SIAH1: variants seen among roughly 807,000 people sequenced by gnomAD.
SIAH1 encodes siah E3 ubiquitin protein ligase 1.
SIAH1 carries 2 observed loss-of-function variants against 20.0 expected under a neutral mutation model. The ratio of observed to expected loss-of-function variants is 0.10; its 90% confidence interval spans 0.04 to 0.31. The LOEUF (loss-of-function observed/expected upper bound fraction) is 0.31. SIAH1 is among the 10% of genes least tolerant of loss of function. SIAH1 has a pLI of 1.00. For synonymous variants in SIAH1, 118 were observed against 125.3 expected, an observed-to-expected ratio of 0.94 and a Z score of 0.39; for missense variants, 119 against 355.3, an observed-to-expected ratio of 0.33 and a Z score of 5.35.
chr16:48,365,433 T>TCC (rs748026553), intron 1 of SIAH1: 3 of 1,613,632 alleles, frequency 1.9e-6, no homozygotes, highest in Admixed American at 1.7e-5. Context: ...TGAACAAGAC[T>TCC]CCCCTCCAGG....
chr16:48,376,378 CT>C (rs974733709), intron 1 of SIAH1, among the ~76,000 whole-genome samples: 1 of 152,130 alleles, frequency 6.6e-6, no homozygotes, highest in Non-Finnish European at 1.5e-5. Context: ...CTTGCTTTCA[CT>C]TTTTTTCTCA....
intron 1 of SIAH1, among the ~76,000 whole-genome samples, chr16:48,366,077 T>TGGG (rs1309146377): frequency 6.6e-6 from 1 of 151,442 alleles, no homozygotes; most frequent in African/African-American, 2.4e-5. Flanking sequence ...GCCGGGGGCG[T>TGGG]GGGGGAGCCC....
At position 48,360,692 on chromosome 16, in the gene SIAH1, AAT is replaced by A. The variant is rs1322631025; in HGVS notation, c.*886_*887del. 6.5e-6 allele frequency: 1 copy of A among 152,674 alleles called. No homozygotes were observed. Among genetic ancestry groups the A allele is most frequent in the Non-Finnish European group, 1.5e-5 (1 of 68,042 alleles). The allele number at this position is 152,674 out of a possible 1,614,324, so 9.5% of individuals were successfully genotyped here. A position where few individuals can be genotyped will look rare whatever the true frequency, so the allele number is the denominator to read the frequency against. On this transcript the variant is annotated 3_prime_UTR_variant, in exon 2 of 2. Transcript: ENST00000394725. ...CAATAAATACAAGAACAAATTTTAA[AAT>A]ATGTGATTTGTCCAAGATATCTGAA...
intron 1 of SIAH1, among the ~76,000 whole-genome samples, chr16:48,378,324 G>A (rs1392786374): frequency 6.6e-6 from 1 of 152,180 alleles, no homozygotes; most frequent in African/African-American, 2.4e-5. Flanking sequence ...TTGCACTCCA[G>A]CCTGGGCAAC....
intron 1 of SIAH1, among the ~76,000 whole-genome samples, chr16:48,383,158 A>T (rs1308281186): frequency 2.6e-5 from 4 of 152,206 alleles, no homozygotes; most frequent in Admixed American, 2.0e-4. Flanking sequence ...TCAGTTTCAC[A>T]TCTATTATAC....
At chr16:48,382,958 T>C (rs749855757) in intron 1 of SIAH1, among the ~76,000 whole-genome samples, 5 of 152,234 alleles carry the variant, frequency 3.3e-5, no homozygotes, top group Non-Finnish European at 5.9e-5. Flanking sequence ...AGCTAGATAA[T>C]TCCTTCATAA....
intron 1 of SIAH1, among the ~76,000 whole-genome samples, chr16:48,376,900 G>C (rs1961123140): frequency 6.6e-6 from 1 of 152,136 alleles, no homozygotes; most frequent in Non-Finnish European, 1.5e-5. Context: ...TACAAAGGAA[G>C]GAAACCAGGA....
chr16:48,371,174 A>G (rs1352334982), intron 1 of SIAH1, among the ~76,000 whole-genome samples: 1 of 151,936 alleles, frequency 6.6e-6, no homozygotes, highest in Non-Finnish European at 1.5e-5. Context: ...TCAGCTACTC[A>G]AGAGGCTGAA....
intron 1 of SIAH1, among the ~76,000 whole-genome samples, chr16:48,380,463 C>CA (rs111931690): frequency 0.032 from 4,576 of 142,694 alleles, 200 homozygotes; most frequent in African/African-American, 0.11. Context: ...AAAAAACAAA[C>CA]AAAAAAAAAA....
At chr16:48,378,515 T>G (rs1485982110) in intron 1 of SIAH1, among the ~76,000 whole-genome samples, 7 of 152,232 alleles carry the variant, frequency 4.6e-5, no homozygotes, top group African/African-American at 1.7e-4. Flanking sequence ...GGGAGGTGGT[T>G]ACAATAGCGT....
chr16:48,381,046 G>C (rs1049240267), intron 1 of SIAH1, among the ~76,000 whole-genome samples: 2 of 151,808 alleles, frequency 1.3e-5, no homozygotes, highest in African/African-American at 4.8e-5. Flanking sequence ...AAATGGTACA[G>C]CCAATCTGGA....
Position 48,362,004 on chromosome 16 carries a change from T to C in SIAH1, c.425A>G (p.Asp142Gly). The change falls in exon 2 of 2, where the codon GAT (aspartate) becomes GGT (glycine). Residue 142 changes from aspartate to glycine, a missense_variant. Transcript: ENST00000394725. The surrounding 1 kb of genome is among the most constrained non-coding windows in gnomAD (Gnocchi z 4.2). ...GASCKWQGSLDAVMPHLMHQH... is the reference protein window; with the variant it reads ...GASCKWQGSLGAVMPHLMHQH... ...ATGCATCAGATGGGGCATTACAGCATCCAGAGAGCCTTGCCATTTACAGGA... is the reference window on the plus strand; with the variant it reads ...ATGCATCAGATGGGGCATTACAGCACCCAGAGAGCCTTGCCATTTACAGGA... 6.2e-7 allele frequency: 1 copy of C among 1,614,162 alleles called. No individual in the cohort carries two copies. Among genetic ancestry groups the C allele is most frequent in the Non-Finnish European group, 8.5e-7 (1 of 1,180,012 alleles).
upstream of SIAH1, among the ~76,000 whole-genome samples, chr16:48,385,661 G>C (rs1428600288): frequency 6.6e-6 from 1 of 152,090 alleles, no homozygotes; most frequent in Non-Finnish European, 1.5e-5. Context: ...ATCCTGGCAC[G>C]TGGCGCTCTG....
At chr16:48,366,983 C>T (rs111323902) in intron 1 of SIAH1, among the ~76,000 whole-genome samples, 7 of 152,232 alleles carry the variant, frequency 4.6e-5, no homozygotes, top group African/African-American at 7.2e-5. Context: ...CTCCACTCAC[C>T]GCAGCCTCGG....
chr16:48,373,849 C>G (rs1005607698), intron 1 of SIAH1, among the ~76,000 whole-genome samples: 1 of 152,218 alleles, frequency 6.6e-6, no homozygotes, highest in Non-Finnish European at 1.5e-5. Flanking sequence ...TCTCTGACTT[C>G]ATCTCCTACT....
chr16:48,366,049 C>T, intron 1 of SIAH1: 1 of 390,010 alleles, frequency 2.6e-6, no homozygotes, highest in Non-Finnish European at 3.7e-6. Context: ...GCCCGCAAGC[C>T]CCGCCCCCCA....
intron 1 of SIAH1, among the ~76,000 whole-genome samples, chr16:48,364,138 C>T (rs1017638354): frequency 2.0e-5 from 3 of 151,680 alleles, no homozygotes; most frequent in African/African-American, 2.4e-5. Flanking sequence ...TTAGTAGAGA[C>T]GGGGTTTCAC....
At chr16:48,384,770 G>A (rs1447024470) in intron 1 of SIAH1, among the ~76,000 whole-genome samples, 2 of 151,234 alleles carry the variant, frequency 1.3e-5, no homozygotes, top group African/African-American at 4.8e-5. Context: ...CCCGCACTCA[G>A]CTGACCTCCG....
At chr16:48,376,176 A>C (rs1310475311) in intron 1 of SIAH1, among the ~76,000 whole-genome samples, 1 of 152,246 alleles carries the variant, frequency 6.6e-6, no homozygotes, top group Non-Finnish European at 1.5e-5. Flanking sequence ...TAGTAATCAG[A>C]TTATAAATAA....
Sources: allele counts gnomAD v4.1 joint callset (sites outside exome capture counted in the v4.1 genomes callset), GRCh38; gene constraint gnomAD v4.1.1; non-coding constraint Gnocchi (gnomAD v3.1); transcripts MANE v1.5; gene names NCBI Gene and HGNC (gene_info 2026-07-23, HGNC 2026-07-21).